ACOXL: variants seen among roughly 807,000 people sequenced by gnomAD.
The protein encoded by ACOXL is acyl-CoA oxidase like, also known as acyl-coenzyme A oxidase-like protein.
Under a neutral mutation model 71.9 loss-of-function variants are expected in ACOXL, and 70 were observed. The ratio of observed to expected loss-of-function variants is 0.97; its 90% CI spans 0.80 to 1.19. ACOXL has a LOEUF of 1.19. Among genes scored for constraint, ACOXL ranks in the 50% most tolerant of loss-of-function variants. ACOXL has a pLI of 0.00. For synonymous variants in ACOXL, 253 were observed against 281.6 expected (o/e 0.90, Z 1.02); for missense variants, 703 against 736.3 (o/e 0.95, Z 0.52).
intron 10 of ACOXL, among the ~76,000 whole-genome samples, chr2:110,845,301 C>T (rs1226277720): frequency 6.6e-6 from 1 of 152,128 alleles, no homozygotes; most frequent in African/African-American, 2.4e-5. Context: ...TTCATGAAGC[C>T]TCTTTATAAG....
intron 11 of ACOXL, among the ~76,000 whole-genome samples, chr2:110,929,006 T>C (rs1050433006): frequency 6.6e-6 from 1 of 152,230 alleles, no homozygotes; most frequent in Non-Finnish European, 1.5e-5. Flanking sequence ...GCCTTGGGTA[T>C]GTCTTTATCA....
chr2:110,916,384 C>T (rs1457293346), intron 11 of ACOXL, among the ~76,000 whole-genome samples: 1 of 152,048 alleles, frequency 6.6e-6, no homozygotes, highest in Non-Finnish European at 1.5e-5. Context: ...CACAATGTCC[C>T]AGAATCTCTG....
chr2:111,016,250 G>A (rs1027433571), intron 14 of ACOXL, among the ~76,000 whole-genome samples: 4 of 152,024 alleles, frequency 2.6e-5, no homozygotes, highest in Non-Finnish European at 5.9e-5. Flanking sequence ...ACCAGTTGAT[G>A]GTGATCTGGT....
Position 110,784,743 on chromosome 2 carries a change from A to G in ACOXL, c.87A>G (p.Thr29=). ...TATCATATTTTCAGGCAGAGAAAAC[A>G]AAGAATTTTGTCAGCCGAAGCCTTG... ...KRAGQDLAEK[T]KNFVSRSLVI... Residue 29 remains threonine (T), a synonymous_variant, in exon 3 of 18, where the codon ACA becomes ACG. Transcript: ENST00000439055. 1.9e-6 allele frequency: 3 copies of G among 1,603,124 alleles called. No homozygotes were observed. Among genetic ancestry groups the G allele is most frequent in the African/African-American group, 1.3e-5 (1 of 74,294 alleles).
chr2:111,087,990 AAC>A (rs2068306195), intron 16 of ACOXL, among the ~76,000 whole-genome samples: 3 of 152,228 alleles, frequency 2.0e-5, no homozygotes, highest in Non-Finnish European at 4.4e-5. Flanking sequence ...AAAGAACATG[AAC>A]AGACACTTCA....
chr2:110,744,404 G>C (rs1033353238), intron 1 of ACOXL, among the ~76,000 whole-genome samples: 5 of 152,154 alleles, frequency 3.3e-5, no homozygotes, highest in South Asian at 2.1e-4. Flanking sequence ...GGATCTGCAG[G>C]GTTTGACATT....
Position 110,755,242 on chromosome 2 carries a change from A to G in ACOXL, c.-22-13126A>G, listed in dbSNP as rs557836878. ...CATGTGAGGCCTGACTCCCACCCCC[A>G]GAACTGATGCCATAAACCCAGGGCC... On this transcript the variant is annotated intron_variant, in intron 1 of 17. Coordinates refer to ENST00000439055, the MANE Select transcript of ACOXL (RefSeq NM_001142807.4). Among the ~76,000 whole-genome samples the G allele has an allele frequency of 7.2e-5, 11 of 152,264 alleles. No individual in the cohort carries two copies. In the East Asian group the frequency reaches 2.1e-3, roughly 29 times the overall value.
chr2:110,770,982 T>C (rs1681840357), intron 2 of ACOXL, among the ~76,000 whole-genome samples: 1 of 152,218 alleles, frequency 6.6e-6, no homozygotes, highest in Non-Finnish European at 1.5e-5. Flanking sequence ...TCTTCCTGTT[T>C]TCCTGGCTCA....
chr2:111,098,245 C>G (rs2068918321), intron 17 of ACOXL: 1 of 152,198 alleles, frequency 6.6e-6, no homozygotes, highest in Non-Finnish European at 1.5e-5. Context: ...CCCTGGGCCA[C>G]ATTGGAAGAA....
At chr2:110,854,116 C>A (rs527936488) in intron 10 of ACOXL, among the ~76,000 whole-genome samples, 1 of 151,894 alleles carries the variant, frequency 6.6e-6, no homozygotes, top group African/African-American at 2.4e-5. Context: ...TGTCTGTGTG[C>A]GTGTGCATGT....
intron 9 of ACOXL, among the ~76,000 whole-genome samples, chr2:110,810,908 G>A (rs554911229): frequency 1.3e-5 from 2 of 152,320 alleles, no homozygotes; most frequent in East Asian, 1.9e-4. Flanking sequence ...AAGCAAACAC[G>A]TCCTTCTCCA....
chr2:111,048,515 A>C (rs948141340), intron 15 of ACOXL, among the ~76,000 whole-genome samples: 3 of 152,226 alleles, frequency 2.0e-5, no homozygotes, highest in African/African-American at 4.8e-5. Flanking sequence ...GACTTACACC[A>C]AAATAAAAAT....
intron 9 of ACOXL, among the ~76,000 whole-genome samples, chr2:110,832,418 G>A (rs999902131): frequency 5.9e-5 from 9 of 151,792 alleles, no homozygotes; most frequent in Non-Finnish European, 8.8e-5. Flanking sequence ...GGCGCCTGTA[G>A]TCCCAGCTAC....
chr2:110,840,221 C>T (rs1335028521), intron 9 of ACOXL, among the ~76,000 whole-genome samples: 5 of 152,162 alleles, frequency 3.3e-5, no homozygotes, highest in Admixed American at 3.3e-4. Flanking sequence ...GATCTCCTGA[C>T]CTCGTGAATG....
At chr2:110,858,519 G>T (rs1332742367) in intron 10 of ACOXL, among the ~76,000 whole-genome samples, 2 of 152,226 alleles carry the variant, frequency 1.3e-5, no homozygotes, top group African/African-American at 2.4e-5. Flanking sequence ...TCACCTGCAG[G>T]TGTGTGAGCC....
chr2:111,011,258 A>G (rs1284100836), intron 14 of ACOXL, among the ~76,000 whole-genome samples: 2 of 150,954 alleles, frequency 1.3e-5, no homozygotes, highest in South Asian at 2.1e-4. Context: ...GGTAAAGACT[A>G]TAGATTGTAA....
At chr2:110,892,922 C>T (rs929269315) in intron 10 of ACOXL, among the ~76,000 whole-genome samples, 1 of 152,176 alleles carries the variant, frequency 6.6e-6, no homozygotes. Flanking sequence ...TTGGATCAGC[C>T]TAGTGGCACT....
At chr2:110,829,130 C>G (rs953965094) in intron 9 of ACOXL, among the ~76,000 whole-genome samples, 1 of 152,184 alleles carries the variant, frequency 6.6e-6, no homozygotes, top group African/African-American at 2.4e-5. Context: ...ATTTAAATGT[C>G]TGTTTTGGGG....
chr2:110,982,150 GT>G (rs141808911), intron 12 of ACOXL, among the ~76,000 whole-genome samples: 2 of 151,162 alleles, frequency 1.3e-5, no homozygotes, highest in East Asian at 1.9e-4. Context: ...TTGGTTTGGT[GT>G]TTTTTTTTGT....
Sources: allele counts gnomAD v4.1 joint callset (sites outside exome capture counted in the v4.1 genomes callset), GRCh38; gene constraint gnomAD v4.1.1; transcripts MANE v1.5; gene names NCBI Gene and HGNC (gene_info 2026-07-23, HGNC 2026-07-21).